The following CASTOR1 variants were observed in gnomAD, a reference collection of about 807,000 sequenced individuals.
CASTOR1 encodes the protein cytosolic arginine sensor for mTORC1 subunit 1.
Under a neutral mutation model 33.7 loss-of-function variants are expected in CASTOR1, and 18 were observed. The ratio of observed to expected loss-of-function variants is 0.53; its 90% confidence interval spans 0.37 to 0.79. The LOEUF is 0.79. Ranked by LOEUF, CASTOR1 falls within the 30% of genes least tolerant of loss-of-function variation. The pLI is 0.00. For synonymous variants in CASTOR1, 175 were observed against 190.6 expected (o/e 0.92, Z 0.67); for missense variants, 362 against 446.3 (o/e 0.81, Z 1.70).
Position 30,289,073 on chromosome 22 carries a change from C to T in CASTOR1, c.114-297G>A, listed in dbSNP as rs1216761123. On this transcript the variant is annotated intron_variant, in intron 1 of 8. Coordinates refer to ENST00000407689, the MANE Select transcript of CASTOR1 (RefSeq NM_001037666.3). ...GGACCTTGGACCCCCTAGTCCAGCCCCTCTGACATGAAGGGAGGCGTCCTG... is the reference window on the plus strand; with the variant it reads ...GGACCTTGGACCCCCTAGTCCAGCCTCTCTGACATGAAGGGAGGCGTCCTG... 9 of 561,742 alleles carry T rather than the reference C, an allele frequency of 1.6e-5. No homozygotes were observed. In the East Asian group the frequency reaches 2.5e-4, roughly 16 times the overall value. 34.8% of individuals were successfully genotyped at this position (561,742 alleles called of 1,614,324 possible). A position where few individuals can be genotyped will look rare whatever the true frequency, so the allele number is the denominator to read the frequency against.
Position 30,288,632 on chromosome 22 carries a change from AACTGG to A in CASTOR1, c.184+69_184+73del, listed in dbSNP as rs1368291427. The A allele has an allele frequency of 1.3e-4, 176 of 1,308,016 alleles. 1 individual carries two copies. The African/African-American group carries it at 2.4e-3, about 17-fold the overall frequency. The allele number at this position is 1,308,016 out of a possible 1,614,324, so 81.0% of individuals were successfully genotyped here. ...TTAAGCTCTTGGGACGGATCCCAGC[AACTGG>A]TGAGAACCCTACAGAAGGGGAGCAC... On this transcript the variant is annotated intron_variant, in intron 2 of 8. Transcript: ENST00000407689.
At position 30,286,942 on chromosome 22, in the gene CASTOR1, C is replaced by T. The variant is rs1929788610; in HGVS notation, c.512G>A (p.Ser171Asn). ...NGFPRTQHGPSPTVHPIQSPQ... is the reference protein window; with the variant it reads ...NGFPRTQHGPNPTVHPIQSPQ... ...GCTCTGGATGGGATGCACCGTGGGG[C>T]TGGGCCCTGCTGGAGGACAGCAGCA... The change falls in exon 5 of 9, where the codon AGC (serine) becomes AAC (asparagine). Residue 171 changes from serine (S) to asparagine (N), a missense_variant. Ser to Asn is a conservative substitution (Grantham distance 46). Coordinates refer to ENST00000407689, the MANE Select transcript of CASTOR1 (RefSeq NM_001037666.3). 1 of 1,610,862 alleles carries T rather than the reference C, an allele frequency of 6.2e-7. No individual in the cohort carries two copies. The highest frequency in any genetic ancestry group is 1.1e-5 in the South Asian group (1 of 90,950).
chr22:30,289,320 A>C, intron 1 of CASTOR1, 65 bp downstream of exon 1: 1 of 1,184,234 alleles, frequency 8.4e-7, no homozygotes, highest in Non-Finnish European at 1.2e-6. Context: ...TAATCCTCCG[A>C]CCCTGGCCCG....
intron 5 of CASTOR1, 57 bp downstream of exon 5, chr22:30,286,768 T>A: frequency 6.2e-7 from 1 of 1,610,090 alleles, no homozygotes. Context: ...CGGAAAGTGG[T>A]GGGACAGAGT....
At chr22:30,287,722 G>T (rs1929817824) in intron 2 of CASTOR1, 162 bp from the exon 3 acceptor site, 4 of 739,050 alleles carry the variant, frequency 5.4e-6, no homozygotes, top group South Asian at 4.5e-5. Context: ...ACTGAGAAAG[G>T]CTTCAAGTGC....
chr22:30,286,049 T>C lies in CASTOR1; in HGVS notation c.793A>G (p.Met265Val). The change falls in exon 7 of 9, where the codon ATG becomes GTG. Residue 265 changes from methionine (M) to valine (V), a missense_variant. Transcript: ENST00000407689. ...LTSSSGELWR[M>V]VRIGGQPLGF... ...AGGGGCTGTCCACCGATGCGCACCA[T>C]CCTCCACAGCTCCCCCGAGGAGCTG... 3 of 1,588,574 alleles carry C rather than the reference T, an allele frequency of 1.9e-6. No homozygotes were observed. The highest frequency in any genetic ancestry group is 2.6e-6 in the Non-Finnish European group (3 of 1,165,844).
In CASTOR1 at chr22:30,287,152, C is replaced by A; in HGVS notation, c.505+3G>T. 1 of 1,609,308 alleles carries A rather than the reference C, an allele frequency of 6.2e-7. No homozygotes were observed. On this transcript the variant is annotated splice_donor_region_variant and intron_variant, in intron 4 of 8. Transcript: ENST00000407689. ...AGTCCAAGTGTCAGGGGGCGGCCCT[C>A]ACCATGCTGAGTGCGGGGAAAGCCA...
At chr22:30,285,761 G>A (rs1196293426) in intron 8 of CASTOR1, 71 bp downstream of exon 8, 2 of 1,495,676 alleles carry the variant, frequency 1.3e-6, no homozygotes, top group East Asian at 2.5e-5. Context: ...TCCTGGCCCA[G>A]CTGAGACTAC....
intron 1 of CASTOR1, 121 bp from the exon 2 acceptor site, chr22:30,288,897 C>T (rs1323518825): frequency 1.4e-6 from 1 of 729,706 alleles, no homozygotes; most frequent in Non-Finnish European, 2.2e-6. Flanking sequence ...CTTGCCCTCT[C>T]GGCCTTTAAT....
chr22:30,286,672 G>T, intron 5 of CASTOR1, 153 bp downstream of exon 5: 1 of 1,008,650 alleles, frequency 9.9e-7, no homozygotes. Context: ...AACCTTCCCC[G>T]AACATCAGTG....
chr22:30,286,817 A>T lies in CASTOR1; in HGVS notation c.629+8T>A. On this transcript the variant is annotated splice_region_variant and intron_variant, in intron 5 of 8. Transcript: ENST00000407689. ...CTGTGAGGACAAAGACGAAGTTCCA[A>T]GGTCCACCTGTGCGAGTAGAAGAGG... 6.2e-7 allele frequency: 1 copy of T among 1,613,900 alleles called. No homozygotes were observed. Among genetic ancestry groups the T allele is most frequent in the Non-Finnish European group, 8.5e-7 (1 of 1,179,942 alleles).
chr22:30,288,699 C>A lies in CASTOR1; in HGVS notation c.184+7G>T, dbSNP rs369207706. The stretch of plus-strand genomic sequence containing the variant: ...CCCGTACTCCCGTTCCCCAGACCAA[C>A]CCCCACCTTTAAAGCCCTCCTCGTC... On this transcript the variant is annotated splice_region_variant and intron_variant, in intron 2 of 8. Transcript: ENST00000407689. The A allele has an allele frequency of 5.0e-6, 8 of 1,611,024 alleles. No individual in the cohort carries two copies. The South Asian group carries it at 8.8e-5, about 18-fold the overall frequency.
intron 6 of CASTOR1, 81 bp downstream of exon 6, chr22:30,286,182 C>A: frequency 1.4e-6 from 2 of 1,440,170 alleles, no homozygotes; most frequent in Non-Finnish European, 1.9e-6. Context: ...CACCTGCTGA[C>A]CTCAGAGTCT....
Position 30,286,301 on chromosome 22 carries a change from AC to A in CASTOR1, c.704del (p.Gly235ValfsTer21), listed in dbSNP as rs907545940. The A allele has an allele frequency of 1.2e-6, 2 of 1,613,778 alleles. No individual in the cohort carries two copies. Reference protein sequence around the residue: ...ITFFAFSLIEGYISIVMDAET... With the variant: ...ITFFAFSLIEXYISIVMDAET... ...CAGCATCCATGACAATGGAGATATA[AC>A]CCTCGATGAGGGAGAAGGCAAAGAA... is the stretch of plus-strand genomic sequence containing the variant. On this transcript the variant is annotated frameshift_variant, in exon 6 of 9. Transcript: ENST00000407689. LOFTEE classifies it high-confidence loss of function.
In CASTOR1 at chr22:30,286,482, G is replaced by T; in HGVS notation, c.630-106C>A. 7.5e-6 allele frequency: 6 copies of T among 804,410 alleles called. No homozygotes were observed. In the South Asian group the frequency reaches 9.3e-5, roughly 12 times the overall value. 49.8% of individuals were successfully genotyped at this position (804,410 alleles called of 1,614,324 possible). ...GGGAAGGAGCTGGTATGGTGGCCTG[G>T]GCAGGCTCTGCCATATCTGCTACCC... On this transcript the variant is annotated intron_variant, in intron 5 of 8. Coordinates refer to ENST00000407689, the MANE Select transcript of CASTOR1 (RefSeq NM_001037666.3).
intron 5 of CASTOR1, 79 bp downstream of exon 5, chr22:30,286,746 C>A: frequency 6.3e-7 from 1 of 1,582,458 alleles, no homozygotes; most frequent in Non-Finnish European, 8.7e-7. Context: ...AGGTGCAAAA[C>A]TGATAGATGG....
In CASTOR1 at chr22:30,286,303, C is replaced by T. The variant is rs781008682; in HGVS notation, c.703G>A (p.Gly235Ser). The change falls in exon 6 of 9, where the codon GGT becomes AGT. Residue 235 changes from glycine (G) to serine (S), a missense_variant. Physicochemically the swap from Gly to Ser is moderately conservative, Grantham distance 56 (BLOSUM62 0). Transcript: ENST00000407689. ...GCATCCATGACAATGGAGATATAAC[C>T]CTCGATGAGGGAGAAGGCAAAGAAC... is the stretch of plus-strand genomic sequence containing the variant. ...ITFFAFSLIE[G>S]YISIVMDAET... The T allele has an allele frequency of 2.4e-5, 38 of 1,614,064 alleles. No homozygotes were observed. The Admixed American group carries it at 6.3e-4, about 27-fold the overall frequency.
At chr22:30,286,725 G>C in intron 5 of CASTOR1, 100 bp downstream of exon 5, 1 of 1,455,388 alleles carries the variant, frequency 6.9e-7, no homozygotes, top group Non-Finnish European at 9.5e-7. Flanking sequence ...CCCCAAGAGA[G>C]GACAAGCAAG....
In CASTOR1 at chr22:30,289,407, G is replaced by A. The variant is rs778325860; in HGVS notation, c.91C>T (p.Leu31Phe). 3.1e-6 allele frequency: 5 copies of A among 1,595,260 alleles called. No homozygotes were observed. The South Asian group carries it at 4.5e-5, about 14-fold the overall frequency. ...WLYTHPLIKL[L>F]FLPRRSRCKF... Reference sequence around the variant, plus strand: ...CACCGGCTGCGGCGGGGCAGGAAGAGCAGCTTGATGAGCGGGTGGGTGTAG... The same window carrying A: ...CACCGGCTGCGGCGGGGCAGGAAGAACAGCTTGATGAGCGGGTGGGTGTAG... Residue 31 changes from leucine to phenylalanine, a missense_variant, in exon 1 of 9, where the codon CTC (leucine) becomes TTC (phenylalanine). Transcript: ENST00000407689.
Sources: gnomAD v4.1 joint callset for allele counts on GRCh38, gnomAD v4.1.1 for gene constraint, MANE v1.5 for transcripts, NCBI Gene and HGNC (gene_info 2026-07-23, HGNC 2026-07-21) for gene names.